Variants in MGAT4C observed in about 807,000 individuals in gnomAD.
MGAT4C encodes MGAT4 family member C, also known as alpha-1,3-mannosyl-glycoprotein 4-beta-N-acetylglucosaminyltransferase C.
In MGAT4C, 19 loss-of-function variants were observed where a neutral mutation model predicts 40.1. The ratio of observed to expected loss-of-function variants is 0.47; its 90% CI spans 0.33 to 0.70. The LOEUF is 0.70. MGAT4C is among the 30% of genes least tolerant of loss of function. MGAT4C has a pLI of 0.02. For synonymous variants in MGAT4C, 181 were observed against 187.1 expected, an observed-to-expected ratio of 0.97 and a Z score of 0.27; for missense variants, 491 against 563.2, an observed-to-expected ratio of 0.87 and a Z score of 1.30.
intron 1 of MGAT4C, among the ~76,000 whole-genome samples, chr12:86,081,413 A>T (rs938358292): frequency 5.3e-5 from 8 of 152,170 alleles, no homozygotes; most frequent in African/African-American, 1.9e-4. Flanking sequence ...ACCTCATTTT[A>T]ATCTCCTATA....
rs113183397 is a variant in MGAT4C, at chr12:86,695,779, G to GT, written c.-229+31429dup. On this transcript the variant is annotated intron_variant, in intron 2 of 7. Coordinates refer to the MGAT4C transcript ENST00000548651. ...TGATGGTTACCAGAGGCTAGGAAGG[G>GT]TAGTTAGGGGGTGGGAGAGTGAAGG... 6.8e-4 allele frequency among the ~76,000 whole-genome samples: 104 copies of GT among 152,150 alleles called. 1 individual carries two copies. The highest frequency in any genetic ancestry group is 2.5e-3 in the African/African-American group (103 of 41,524).
chr12:86,628,036 T>A (rs1962879065), intron 2 of MGAT4C, among the ~76,000 whole-genome samples: 1 of 152,116 alleles, frequency 6.6e-6, no homozygotes, highest in Non-Finnish European at 1.5e-5. Flanking sequence ...ATAAACAGTG[T>A]AGAGAAGACG....
intron 1 of MGAT4C, among the ~76,000 whole-genome samples, chr12:86,237,613 C>G (rs1257166884): frequency 6.6e-6 from 1 of 151,784 alleles, no homozygotes; most frequent in African/African-American, 2.4e-5. Context: ...ATTCATATCT[C>G]TATGGAAATT....
chr12:86,606,439 C>T (rs140289900), intron 2 of MGAT4C, among the ~76,000 whole-genome samples: 166 of 152,162 alleles, frequency 1.1e-3, no homozygotes, highest in African/African-American at 3.9e-3. Flanking sequence ...TGTAAAATAA[C>T]AAAAATACAG....
At chr12:86,336,306 T>C (rs942920065) in intron 3 of MGAT4C, among the ~76,000 whole-genome samples, 8 of 152,176 alleles carry the variant, frequency 5.3e-5, no homozygotes, top group Admixed American at 1.3e-4. Flanking sequence ...TGTGTTTCAG[T>C]AGAGTTCAGT....
chr12:86,216,982 T>C (rs1349913792), intron 1 of MGAT4C, among the ~76,000 whole-genome samples: 1 of 152,192 alleles, frequency 6.6e-6, no homozygotes, highest in Non-Finnish European at 1.5e-5. Context: ...TATAAGTAAG[T>C]TAAATAACTA....
At chr12:86,696,400 T>A (rs1839298403) in intron 2 of MGAT4C, among the ~76,000 whole-genome samples, 2 of 152,232 alleles carry the variant, frequency 1.3e-5, no homozygotes, top group South Asian at 4.1e-4. Flanking sequence ...AAGATGAGAA[T>A]AGCTAACCAA....
intron 1 of MGAT4C, among the ~76,000 whole-genome samples, chr12:86,764,092 G>A (rs1951455511): frequency 6.6e-6 from 1 of 152,128 alleles, no homozygotes; most frequent in Admixed American, 6.6e-5. Context: ...AAGGGGTCAG[G>A]GAGTTCCCTT....
chr12:86,075,769 G>A (rs963365902), intron 1 of MGAT4C, among the ~76,000 whole-genome samples: 1 of 152,214 alleles, frequency 6.6e-6, no homozygotes, highest in Non-Finnish European at 1.5e-5. Flanking sequence ...TGAAGCCACA[G>A]CCCAAGCTCT....
In MGAT4C at chr12:86,828,154, ATAT is replaced by A. The variant is rs200277090; in HGVS notation, c.-262+10509_-262+10511del. 2.7e-3 allele frequency among the ~76,000 whole-genome samples: 412 copies of A among 151,304 alleles called. 8 individuals carry two copies. The East Asian group carries it at 0.054, about 20-fold the overall frequency. On this transcript the variant is annotated intron_variant, in intron 1 of 7. Coordinates refer to the MGAT4C transcript ENST00000548651. ...AAATGTAAAATCTGTTATGAATAAAATATTATGGTAAAGCTAATTATTTGTAGA... is the reference window on the plus strand; with the variant it reads ...AAATGTAAAATCTGTTATGAATAAAATATGGTAAAGCTAATTATTTGTAGA...
At chr12:86,647,050 A>G (rs1963560005) in intron 2 of MGAT4C, among the ~76,000 whole-genome samples, 1 of 151,818 alleles carries the variant, frequency 6.6e-6, no homozygotes, top group African/African-American at 2.4e-5. Context: ...ATGAAGCCCA[A>G]AACAGCCTCA....
chr12:86,669,346 A>T (rs1964194804), intron 2 of MGAT4C, among the ~76,000 whole-genome samples: 1 of 152,244 alleles, frequency 6.6e-6, no homozygotes, highest in South Asian at 2.1e-4. Flanking sequence ...TCATAAGCCC[A>T]GTCATATCTC....
At chr12:86,169,109 TACTC>T (rs1013069888) in intron 1 of MGAT4C, among the ~76,000 whole-genome samples, 2 of 152,142 alleles carry the variant, frequency 1.3e-5, no homozygotes, top group African/African-American at 4.8e-5. Context: ...CTGAGTATCT[TACTC>T]ATTAATAAAT....
chr12:86,414,636 T>A (rs1180016118), intron 3 of MGAT4C, among the ~76,000 whole-genome samples: 1 of 152,140 alleles, frequency 6.6e-6, no homozygotes, highest in Non-Finnish European at 1.5e-5. Context: ...ATGTTGAAGA[T>A]CTATAATCTT....
At position 85,960,809 on chromosome 12, in the gene MGAT4C, A is replaced by G. The variant is rs965034673; in HGVS notation, c.*18480T>C. ...AATCACCAAAAAAAAATTTGATATG[A>G]AAGTCATACATTGAAAAAATTCACT... On this transcript the variant is annotated 3_prime_UTR_variant, in exon 5 of 5. Coordinates refer to ENST00000611864, the MANE Select transcript of MGAT4C (RefSeq NM_001351288.2). The G allele has an allele frequency of 6.6e-6, 1 of 151,978 alleles. No individual in the cohort carries two copies. The highest frequency in any genetic ancestry group is 1.5e-5 in the Non-Finnish European group (1 of 67,858). The allele number at this position is 151,978 out of a possible 1,614,324, so 9.4% of individuals were successfully genotyped here. A position where few individuals can be genotyped will look rare whatever the true frequency, so the allele number is the denominator to read the frequency against.
intron 2 of MGAT4C, among the ~76,000 whole-genome samples, chr12:86,042,835 T>C (rs1891997158): frequency 7.5e-6 from 1 of 133,032 alleles, no homozygotes. Flanking sequence ...GCCACTGCAC[T>C]CCAGCCTGGG....
At chr12:86,441,996 C>A (rs776328058) in intron 2 of MGAT4C, among the ~76,000 whole-genome samples, 16 of 152,170 alleles carry the variant, frequency 1.1e-4, no homozygotes, top group Admixed American at 7.9e-4. Flanking sequence ...CACATCCTCT[C>A]CAGCACCTGT....
chr12:86,569,242 G>T (rs1421295008), intron 2 of MGAT4C, among the ~76,000 whole-genome samples: 1 of 151,944 alleles, frequency 6.6e-6, no homozygotes, highest in Non-Finnish European at 1.5e-5. Flanking sequence ...ACAGATTAAA[G>T]AAACAATTGG....
At chr12:86,427,384 T>C (rs1956949154) in intron 3 of MGAT4C, among the ~76,000 whole-genome samples, 1 of 151,960 alleles carries the variant, frequency 6.6e-6, no homozygotes, top group Non-Finnish European at 1.5e-5. Flanking sequence ...ATTATAATTA[T>C]AGTATATATT....
Sources: allele counts gnomAD v4.1 joint callset (sites outside exome capture counted in the v4.1 genomes callset), GRCh38; gene constraint gnomAD v4.1.1; transcripts MANE v1.5; gene names NCBI Gene and HGNC (gene_info 2026-07-23, HGNC 2026-07-21).